The following PPP2R2C variants were observed in gnomAD, a reference collection of about 807,000 sequenced individuals.
PPP2R2C encodes the protein protein phosphatase 2 regulatory subunit Bgamma, also known as protein phosphatase 2, regulatory subunit B, gamma.
In PPP2R2C, 10 loss-of-function variants were observed where a neutral mutation model predicts 45.3. The observed-to-expected ratio is 0.22, with a 90% confidence interval of 0.14 to 0.37. The LOEUF (loss-of-function observed/expected upper bound fraction) is 0.37. Ranked by LOEUF, PPP2R2C falls within the 10% of genes least tolerant of loss-of-function variation. The pLI is 1.00. For synonymous variants in PPP2R2C, 257 were observed against 245.4 expected (o/e 1.05, Z -0.44); for missense variants, 308 against 619.7 (o/e 0.50, Z 5.34).
chr4:6,520,591 T>C (rs1437930014), intron 2 of PPP2R2C, among the ~76,000 whole-genome samples: 2 of 152,178 alleles, frequency 1.3e-5, no homozygotes, highest in Admixed American at 1.3e-4. Context: ...GGCAGCCCTG[T>C]GTGATTCAAG....
chr4:6,512,277 G>A (rs1723629536), intron 2 of PPP2R2C, among the ~76,000 whole-genome samples: 1 of 115,078 alleles, frequency 8.7e-6, no homozygotes, highest in African/African-American at 3.4e-5. Context: ...TGATGGTGGG[G>A]GTGGTGGTGA....
At chr4:6,381,123 G>C in intron 1 of PPP2R2C, 29 bp from the exon 2 acceptor site, 2 of 1,557,432 alleles carry the variant, frequency 1.3e-6, no homozygotes, top group Non-Finnish European at 1.7e-6. Flanking sequence ...GACGGGAAGG[G>C]GTGGCTGTCA....
chr4:6,365,593 C>T (rs901056823), intron 5 of PPP2R2C, among the ~76,000 whole-genome samples: 4 of 152,146 alleles, frequency 2.6e-5, no homozygotes, highest in Non-Finnish European at 4.4e-5. Flanking sequence ...GTCCCTTGGC[C>T]CAGCACAGAG....
At chr4:6,396,142 C>T (rs893392781) in intron 1 of PPP2R2C, among the ~76,000 whole-genome samples, 1 of 152,188 alleles carries the variant, frequency 6.6e-6, no homozygotes, top group Non-Finnish European at 1.5e-5. Flanking sequence ...ACCACAACTC[C>T]CGAGGGTTGA....
At chr4:6,463,338 G>C (rs148302540) in intron 1 of PPP2R2C, among the ~76,000 whole-genome samples, 38 of 151,558 alleles carry the variant, frequency 2.5e-4, no homozygotes, top group African/African-American at 9.2e-4. Flanking sequence ...GCCTCCAGCA[G>C]CAACAGTCCT....
At chr4:6,335,853 C>G (rs924586403) in intron 6 of PPP2R2C, among the ~76,000 whole-genome samples, 4 of 152,050 alleles carry the variant, frequency 2.6e-5, no homozygotes, top group African/African-American at 7.2e-5. Flanking sequence ...AGGAAGGTCC[C>G]CCCCACCTCT....
Position 6,364,831 on chromosome 4 carries a change from A to G in PPP2R2C, c.625+7692T>C, listed in dbSNP as rs1381443223. Among the ~76,000 whole-genome samples, 1 of 152,102 alleles carries G rather than the reference A, an allele frequency of 6.6e-6. No homozygotes were observed. The highest frequency in any genetic ancestry group is 6.6e-5 in the Admixed American group (1 of 15,264). ...TGATCAGAGTGAGACAGTGGCCTAA[A>G]CACATGCTGGGGGCAGACAGGCAGG... On this transcript the variant is annotated intron_variant, in intron 5 of 8. Coordinates refer to ENST00000382599, the MANE Select transcript of PPP2R2C (RefSeq NM_020416.4). The surrounding 1 kb of genome is among the most constrained non-coding windows in gnomAD (Gnocchi z 5.3).
At chr4:6,326,540 C>T (rs1577065929) in intron 8 of PPP2R2C, among the ~76,000 whole-genome samples, 1 of 152,162 alleles carries the variant, frequency 6.6e-6, no homozygotes, top group Non-Finnish European at 1.5e-5. Flanking sequence ...TGGGGAAGGG[C>T]AGGCCTGCCA....
rs554311998 is a variant in PPP2R2C, at chr4:6,448,731, G to A, written c.70+23429C>T. On this transcript the variant is annotated intron_variant, in intron 1 of 8. Coordinates refer to ENST00000382599, the MANE Select transcript of PPP2R2C (RefSeq NM_020416.4). ...ATTCCCCGGGCCAAGGACTAGAATC[G>A]TCACCCGCAAGCCCCTTTCACCTGT... is the stretch of plus-strand genomic sequence containing the variant. 7.9e-5 allele frequency among the ~76,000 whole-genome samples: 12 copies of A among 152,168 alleles called. No individual in the cohort carries two copies. In the East Asian group the frequency reaches 1.4e-3, roughly 17 times the overall value.
In PPP2R2C at chr4:6,524,646, C is replaced by T. The variant is rs150030031; in HGVS notation, c.49+10625G>A. Among the ~76,000 whole-genome samples, 12 of 152,324 alleles carry T rather than the reference C, an allele frequency of 7.9e-5. No individual in the cohort carries two copies. In the East Asian group the frequency reaches 2.1e-3, roughly 27 times the overall value. On this transcript the variant is annotated intron_variant, in intron 2 of 9. Coordinates refer to the PPP2R2C transcript ENST00000506140. ...TGGGACTGGATTGACAGATGCTCAG[C>T]TGCTGTGGTTGGGCCGAGCTTCACC...
At chr4:6,494,747 G>T (rs758006886) in intron 2 of PPP2R2C, among the ~76,000 whole-genome samples, 8 of 152,240 alleles carry the variant, frequency 5.3e-5, no homozygotes, top group Non-Finnish European at 1.0e-4. Flanking sequence ...TGCATGGGAA[G>T]GGAGAAGGCC....
rs180775083 is a variant in PPP2R2C at position 6,543,439 on chromosome 4, C to T, written c.-58-8062G>A. Among the ~76,000 whole-genome samples the T allele has an allele frequency of 3.3e-5, 5 of 152,222 alleles. No individual in the cohort carries two copies. The East Asian group carries it at 9.7e-4, about 29-fold the overall frequency. On this transcript the variant is annotated intron_variant, in intron 1 of 9. Coordinates refer to the PPP2R2C transcript ENST00000506140. ...TGGTTAAAAAAACAACAACAAATACCAGGCCAGGCGTGGTGGTTCATGCCT... is the reference window on the plus strand; with the variant it reads ...TGGTTAAAAAAACAACAACAAATACTAGGCCAGGCGTGGTGGTTCATGCCT...
Position 6,471,821 on chromosome 4 carries a change from T to C in PPP2R2C, c.70+339A>G, listed in dbSNP as rs1292868237. 3.3e-6 allele frequency: 1 copy of C among 299,736 alleles called. No homozygotes were observed. The highest frequency in any genetic ancestry group is 2.2e-5 in the African/African-American group (1 of 46,250). 18.6% of individuals were successfully genotyped at this position (299,736 alleles called of 1,614,324 possible). A position where few individuals can be genotyped will look rare whatever the true frequency, so the allele number is the denominator to read the frequency against. On this transcript the variant is annotated intron_variant, in intron 1 of 8. Transcript: ENST00000382599. The surrounding 1 kb of genome is among the most constrained non-coding windows in gnomAD (Gnocchi z 5.6). ...TTTCCCCGAGATTTCTTCACCAGATTAGCCACAGCCGTGGCCTTTTAAAAA... is the reference window on the plus strand; with the variant it reads ...TTTCCCCGAGATTTCTTCACCAGATCAGCCACAGCCGTGGCCTTTTAAAAA...
chr4:6,543,661 G>T (rs1724879630), intron 1 of PPP2R2C, among the ~76,000 whole-genome samples: 1 of 152,146 alleles, frequency 6.6e-6, no homozygotes, highest in Non-Finnish European at 1.5e-5. Context: ...GGCTGACATG[G>T]AGACGGAGAA....
intron 2 of PPP2R2C, chr4:6,535,187 C>T (rs1348567730): frequency 1.6e-5 from 23 of 1,423,236 alleles, no homozygotes; most frequent in African/African-American, 8.5e-5. Flanking sequence ...GTCAGGCTGG[C>T]GCTGTGTCGG....
intron 2 of PPP2R2C, among the ~76,000 whole-genome samples, chr4:6,516,847 G>C (rs6821118): frequency 0.032 from 4,818 of 152,190 alleles, 86 homozygotes; most frequent in African/African-American, 0.047. Flanking sequence ...AGATGTCACT[G>C]GTTCATGAAA....
chr4:6,346,620 C>T (rs1471903610), intron 6 of PPP2R2C, among the ~76,000 whole-genome samples: 2 of 152,208 alleles, frequency 1.3e-5, no homozygotes, highest in Non-Finnish European at 2.9e-5. Context: ...CTGAGCGTGA[C>T]ACACGGAGCG....
At chr4:6,528,315 A>G (rs1433708008) in intron 2 of PPP2R2C, among the ~76,000 whole-genome samples, 2 of 152,188 alleles carry the variant, frequency 1.3e-5, no homozygotes, top group Non-Finnish European at 2.9e-5. Context: ...CCTGCCTGTG[A>G]ACATGTCCTG....
At chr4:6,379,010 G>A (rs185876050) in intron 2 of PPP2R2C, among the ~76,000 whole-genome samples, 3 of 148,968 alleles carry the variant, frequency 2.0e-5, no homozygotes, top group Non-Finnish European at 2.9e-5. Context: ...CCCCTCTGCC[G>A]AGGCCTGCCT....
Sources: allele counts gnomAD v4.1 joint callset (sites outside exome capture counted in the v4.1 genomes callset), GRCh38; gene constraint gnomAD v4.1.1; non-coding constraint Gnocchi (gnomAD v3.1); transcripts MANE v1.5; gene names NCBI Gene and HGNC (gene_info 2026-07-23, HGNC 2026-07-21).